Variants in SHROOM2 observed in about 807,000 individuals in gnomAD.
The protein encoded by SHROOM2 is protein Shroom2.
SHROOM2 carries 33 observed loss-of-function variants against 75.9 expected under a neutral mutation model. The observed-to-expected ratio is 0.43, with a 90% CI of 0.33 to 0.58. The LOEUF is 0.58. Among genes scored for constraint, SHROOM2 ranks in the 20% least tolerant of loss-of-function variants. SHROOM2 has a pLI of 0.04. For synonymous variants in SHROOM2, 655 were observed against 663.6 expected (o/e 0.99, Z 0.20); for missense variants, 1,434 against 1,461.2 (o/e 0.98, Z 0.30).
Position 9,847,563 on chromosome X carries a change from G to T in SHROOM2, c.166-26089G>T, listed in dbSNP as rs1327496408. ...GGGAAAAGGGGGTTGGAGGAATAAT[G>T]AATGAGGGAAACACTTTTATTGGGA... On this transcript the variant is annotated intron_variant, in intron 1 of 9. Transcript: ENST00000380913. Among the ~76,000 whole-genome samples the T allele has an allele frequency of 5.3e-5, 6 of 112,408 alleles. No individual in the cohort carries two copies. The East Asian group carries it at 1.7e-3, about 31-fold the overall frequency.
chrX:9,941,039 C>A (rs1215126318), intron 8 of SHROOM2, among the ~76,000 whole-genome samples: 2 of 112,135 alleles, frequency 1.8e-5, no homozygotes, highest in Non-Finnish European at 3.8e-5. Flanking sequence ...ATACTTGGGG[C>A]AGCTCAGAAG....
In SHROOM2 at chrX:9,896,422, C is replaced by T. The variant is rs1187237295; in HGVS notation, c.2514C>T (p.Gly838=). 6.6e-6 allele frequency: 8 copies of T among 1,211,211 alleles called. No individual in the cohort carries two copies. The Admixed American group carries it at 1.7e-4, about 26-fold the overall frequency. The change falls in exon 4 of 10, where the codon GGC becomes GGT. Residue 838 remains glycine, a synonymous_variant. Transcript: ENST00000380913. ...GGACAGCGGGCCGCACATGTGAGGG[C>T]ACGGAGCCCTGGTCGCGCACCACCT... ...RPRTAGRTCE[G]TEPWSRTTSL... is the part of the protein sequence containing the mutation.
At chrX:9,946,299 G>T (rs2073940) in intron 9 of SHROOM2, among the ~76,000 whole-genome samples, 12,231 of 112,806 alleles carry the variant, frequency 0.11, 567 homozygotes, top group East Asian at 0.27. Context: ...GGACCTTGAC[G>T]CCAAGAGGGC....
At chrX:9,927,143 G>A (rs1272419163) in intron 5 of SHROOM2, among the ~76,000 whole-genome samples, 1 of 110,077 alleles carries the variant, frequency 9.1e-6, no homozygotes, top group East Asian at 2.8e-4. Context: ...GAGCCCAGGA[G>A]TTTGAGGCCA....
intron 1 of SHROOM2, among the ~76,000 whole-genome samples, chrX:9,814,284 C>T (rs922249887): frequency 7.2e-5 from 8 of 111,573 alleles, no homozygotes; most frequent in African/African-American, 9.8e-5. Context: ...TCCCCAGCTG[C>T]AACATTAAAA....
intron 1 of SHROOM2, among the ~76,000 whole-genome samples, chrX:9,850,608 G>A (rs2084033268): frequency 9.0e-6 from 1 of 111,288 alleles, no homozygotes; most frequent in Non-Finnish European, 1.9e-5. Context: ...GGAGGCCAAG[G>A]CGAGTGGATC....
At chrX:9,832,630 G>A (rs1424657135) in intron 1 of SHROOM2, among the ~76,000 whole-genome samples, 3 of 110,960 alleles carry the variant, frequency 2.7e-5, no homozygotes, top group Non-Finnish European at 5.7e-5. Context: ...GAACCAGCAG[G>A]AGCCTGCATA....
At chrX:9,862,273 T>C (rs2084108743) in intron 1 of SHROOM2, among the ~76,000 whole-genome samples, 1 of 109,348 alleles carries the variant, frequency 9.1e-6, no homozygotes, top group Non-Finnish European at 1.9e-5. Context: ...ATAGAGGGAG[T>C]GGCCACTCCC....
At chrX:9,933,720 A>G (rs1197991322) in intron 6 of SHROOM2, among the ~76,000 whole-genome samples, 1 of 112,197 alleles carries the variant, frequency 8.9e-6, no homozygotes, top group Non-Finnish European at 1.9e-5. Context: ...AGGCTGCAGT[A>G]AGCCAGGATG....
intron 1 of SHROOM2, among the ~76,000 whole-genome samples, chrX:9,820,689 T>G (rs1411396346): frequency 1.8e-5 from 2 of 112,162 alleles, no homozygotes; most frequent in Non-Finnish European, 3.8e-5. Flanking sequence ...GAAAAAATCC[T>G]TAGGTTTTAA....
intron 1 of SHROOM2, among the ~76,000 whole-genome samples, chrX:9,837,538 G>A (rs773529725): frequency 8.9e-6 from 1 of 112,385 alleles, no homozygotes; most frequent in Non-Finnish European, 1.9e-5. Flanking sequence ...GGCGGCATGC[G>A]GAAGGAACAT....
chrX:9,894,929 T>A lies in SHROOM2; in HGVS notation c.1021T>A (p.Ser341Thr), dbSNP rs758244852. Reference protein sequence around the residue: ...SHEKAQGPVFSEAAAAQHFTA... With the variant: ...SHEKAQGPVFTEAAAAQHFTA... Reference sequence around the variant, plus strand: ...CGAGAAGGCCCAGGGCCCTGTGTTCTCAGAGGCGGCTGCGGCACAGCACTT... The same window carrying A: ...CGAGAAGGCCCAGGGCCCTGTGTTCACAGAGGCGGCTGCGGCACAGCACTT... The change falls in exon 4 of 10, where the codon TCA (serine) becomes ACA (threonine). Residue 341 changes from serine to threonine, a missense_variant. Physicochemically the swap from Ser to Thr is moderately conservative, Grantham distance 58. This residue lies in a region of SHROOM2 where 1,340 missense variants were observed against 1,338.3 expected (regional missense o/e 1.00). Coordinates refer to ENST00000380913, the MANE Select transcript of SHROOM2 (RefSeq NM_001649.4). The A allele has an allele frequency of 1.6e-5, 19 of 1,209,120 alleles. No homozygotes were observed. In the Admixed American group the frequency reaches 3.9e-4, roughly 25 times the overall value.
intron 1 of SHROOM2, among the ~76,000 whole-genome samples, chrX:9,864,590 G>A (rs752073864): frequency 2.1e-4 from 23 of 110,306 alleles, no homozygotes; most frequent in African/African-American, 6.9e-4. Context: ...AGGCCGAGGC[G>A]GGCAGATCAC....
chrX:9,932,467 C>A lies in SHROOM2; in HGVS notation c.3184C>A (p.Pro1062Thr), dbSNP rs766298061. 2.5e-6 allele frequency: 3 copies of A among 1,207,088 alleles called. No homozygotes were observed. Among genetic ancestry groups the A allele is most frequent in the Non-Finnish European group, 3.4e-6 (3 of 892,851 alleles). ...SSALLSKRPA[P>T]QRPPPPKREP... ...AGCCCTGCTCTCCAAGAGGCCAGCC[C>A]CACAGAGGCCACCGCCACCCAAGCG... The change falls in exon 6 of 10, where the codon CCA (proline) becomes ACA (threonine). Residue 1062 changes from proline to threonine, a missense_variant. Transcript: ENST00000380913.
At chrX:9,839,681 T>C (rs2083969358) in intron 1 of SHROOM2, among the ~76,000 whole-genome samples, 1 of 112,011 alleles carries the variant, frequency 8.9e-6, no homozygotes, top group Non-Finnish European at 1.9e-5. Context: ...GCCCGTGTTG[T>C]CAGATGGATC....
intron 1 of SHROOM2, among the ~76,000 whole-genome samples, chrX:9,821,670 C>T (rs185454915): frequency 1.8e-5 from 2 of 112,286 alleles, no homozygotes; most frequent in Admixed American, 1.9e-4. Context: ...GAAGTGAAAA[C>T]GGGTTGAGAA....
chrX:9,847,594 G>T (rs1483311322), intron 1 of SHROOM2, among the ~76,000 whole-genome samples: 4 of 112,374 alleles, frequency 3.6e-5, no homozygotes, highest in Non-Finnish European at 7.5e-5. Flanking sequence ...TGGGAGAATA[G>T]CTTGCAAAAC....
chrX:9,802,613 G>A (rs1229811080), intron 1 of SHROOM2, among the ~76,000 whole-genome samples: 1 of 111,761 alleles, frequency 8.9e-6, no homozygotes, highest in Non-Finnish European at 1.9e-5. Context: ...TACTTGACCC[G>A]GGAGGTCCCT....
Position 9,896,218 on chromosome X carries a change from C to G in SHROOM2, c.2310C>G (p.Asn770Lys). The G allele has an allele frequency of 8.3e-7, 1 of 1,211,593 alleles. No individual in the cohort carries two copies. Among genetic ancestry groups the G allele is most frequent in the Non-Finnish European group, 1.1e-6 (1 of 895,468 alleles). ...LKSYSEPEKM[N>K]EVGLTRGYSP... ...CCTACTCGGAACCTGAGAAGATGAA[C>G]GAGGTGGGCCTCACGAGGGGCTACA... is the stretch of plus-strand genomic sequence containing the variant. Residue 770 changes from asparagine to lysine, a missense_variant, in exon 4 of 10, where the codon AAC becomes AAG. By Grantham distance (94) the Asn-to-Lys change is moderately conservative. Around this residue, in one of 3 missense-constraint regions of SHROOM2, gnomAD observed 1,340 missense variants for 1,338.3 expected, o/e 1.00. Transcript: ENST00000380913.
Sources: gnomAD v4.1 joint callset for allele counts (sites outside exome capture counted in the v4.1 genomes callset) on GRCh38, gnomAD v4.1.1 for gene constraint, gnomAD v4.1.1 regional missense constraint, MANE v1.5 for transcripts, NCBI Gene and HGNC (gene_info 2026-07-23, HGNC 2026-07-21) for gene names.